Variants in TANC2 observed in about 807,000 individuals in gnomAD.
TANC2 encodes the protein protein TANC2.
In TANC2, 26 loss-of-function variants were observed where a neutral mutation model predicts 210.5. The observed-to-expected ratio is 0.12, with a 90% CI of 0.09 to 0.17. The LOEUF (loss-of-function observed/expected upper bound fraction) is 0.17. TANC2 is among the 10% of genes least tolerant of loss of function. The pLI is 1.00. For missense variants in TANC2, 2,129 were observed against 2,608.9 expected (o/e 0.82, Z 4.01); for synonymous variants, 931 against 967.1 (o/e 0.96, Z 0.69).
At chr17:63,305,129 G>A (rs2044858577) in intron 9 of TANC2, 1 of 152,532 alleles carries the variant, frequency 6.6e-6, no homozygotes, top group South Asian at 2.1e-4. Context: ...GAGCTTGGTA[G>A]GCTTAAGCAC....
intron 2 of TANC2, among the ~76,000 whole-genome samples, chr17:63,025,028 A>T (rs1568326594): frequency 6.6e-6 from 1 of 151,976 alleles, no homozygotes; most frequent in Non-Finnish European, 1.5e-5. Flanking sequence ...TTGCTCTTTG[A>T]TTTTTTTCTT....
At chr17:63,193,771 T>G (rs577712883) in intron 5 of TANC2, among the ~76,000 whole-genome samples, 1 of 152,338 alleles carries the variant, frequency 6.6e-6, no homozygotes, top group Admixed American at 6.5e-5. Context: ...TATAATCATT[T>G]TGAGTTCCCT....
At chr17:63,310,596 C>T (rs531254765) in intron 9 of TANC2, among the ~76,000 whole-genome samples, 4 of 152,192 alleles carry the variant, frequency 2.6e-5, no homozygotes, top group Non-Finnish European at 5.9e-5. Flanking sequence ...GTAAGACAAA[C>T]GCAGGCATTC....
intron 21 of TANC2, among the ~76,000 whole-genome samples, chr17:63,410,860 C>CAAAAAAAAAAAAAA: frequency 2.6e-5 from 1 of 39,014 alleles, no homozygotes; most frequent in South Asian, 2.0e-3. Context: ...GACTCCATCT[C>CAAAAAAAAAAAAAA]AAAAAAAAAA....
chr17:63,396,189 T>A (rs991459426), intron 18 of TANC2: 1 of 406,654 alleles, frequency 2.5e-6, no homozygotes, highest in South Asian at 3.1e-5. Flanking sequence ...CCTCCCTGTT[T>A]AACAGACAGT....
rs186084193 is a variant in TANC2 at position 63,409,850 on chromosome 17, G to A, written c.3590-1661G>A. 1.6e-3 allele frequency among the ~76,000 whole-genome samples: 246 copies of A among 152,354 alleles called. 2 individuals carry two copies. The highest frequency in any genetic ancestry group is 3.4e-3 in the Middle Eastern group (1 of 294). ...GATGCAGGCTGTATATCCCTTATCTGAAATGCTTAGTTATATATCGCTTAT... is the reference window on the plus strand; with the variant it reads ...GATGCAGGCTGTATATCCCTTATCTAAAATGCTTAGTTATATATCGCTTAT... On this transcript the variant is annotated intron_variant, in intron 21 of 27. Coordinates refer to ENST00000689528, the Ensembl canonical transcript of TANC2.
intron 25 of TANC2, among the ~76,000 whole-genome samples, 195 bp from the exon 26 acceptor site, chr17:63,415,333 T>A (rs1226737591): frequency 6.6e-6 from 1 of 152,228 alleles, no homozygotes; most frequent in Non-Finnish European, 1.5e-5. Flanking sequence ...TTGCCTTTCC[T>A]GCCAGGTGAG....
At chr17:63,080,454 C>G (rs892340549) in intron 3 of TANC2, among the ~76,000 whole-genome samples, 1 of 152,128 alleles carries the variant, frequency 6.6e-6, no homozygotes, top group Non-Finnish European at 1.5e-5. Flanking sequence ...AAGATGTGTA[C>G]TGGTGTAATG....
At chr17:63,364,083 C>T (rs1004514495) in intron 14 of TANC2, among the ~76,000 whole-genome samples, 4 of 152,156 alleles carry the variant, frequency 2.6e-5, no homozygotes, top group Admixed American at 6.5e-5. Flanking sequence ...TTTCTAACCC[C>T]CTATTGGCAT....
rs568138278 is a variant in TANC2 at position 63,092,048 on chromosome 17, T to A, written c.140-7127T>A. Reference sequence around the variant, plus strand: ...TGGTGTATAAGAACATATTACCCATTTTTAATTTTTGTGCACACATCAGAA... The same window carrying A: ...TGGTGTATAAGAACATATTACCCATATTTAATTTTTGTGCACACATCAGAA... On this transcript the variant is annotated intron_variant, in intron 3 of 27. Transcript: ENST00000689528. Among the ~76,000 whole-genome samples the A allele has an allele frequency of 8.3e-4, 127 of 152,324 alleles. 1 individual carries two copies. Among genetic ancestry groups the A allele is most frequent in the Non-Finnish European group, 1.6e-3 (106 of 68,024 alleles).
intron 7 of TANC2, among the ~76,000 whole-genome samples, chr17:63,220,913 C>T (rs1222824361): frequency 2.0e-5 from 3 of 150,752 alleles, no homozygotes; most frequent in African/African-American, 7.3e-5. Flanking sequence ...AAAGAAAAAA[C>T]AGTTTGTCTT....
intron 4 of TANC2, among the ~76,000 whole-genome samples, chr17:63,103,251 A>G (rs527370114): frequency 1.3e-5 from 2 of 152,288 alleles, no homozygotes; most frequent in South Asian, 4.1e-4. Context: ...TACTCTTAAC[A>G]TATTTATCTT....
chr17:63,321,637 T>G (rs941403172), intron 11 of TANC2, among the ~76,000 whole-genome samples: 2 of 152,194 alleles, frequency 1.3e-5, no homozygotes, highest in African/African-American at 2.4e-5. Context: ...ATGTCTTGGG[T>G]GCCAGCATTT....
chr17:63,386,502 C>G (rs1567973880), intron 15 of TANC2, among the ~76,000 whole-genome samples: 1 of 152,090 alleles, frequency 6.6e-6, no homozygotes, highest in Non-Finnish European at 1.5e-5. Flanking sequence ...CAAGGTTGGC[C>G]ATGAGTTGAA....
intron 7 of TANC2, among the ~76,000 whole-genome samples, chr17:63,206,719 G>A (rs1190104474): frequency 6.6e-6 from 1 of 152,066 alleles, no homozygotes; most frequent in Non-Finnish European, 1.5e-5. Context: ...GGGAGTTGGT[G>A]GGATGTGGAA....
chr17:63,414,378 C>G (rs921903259), intron 25 of TANC2: 3 of 152,170 alleles, frequency 2.0e-5, no homozygotes, highest in Admixed American at 6.5e-5. Flanking sequence ...GTACAAGTTC[C>G]TAGGAGCAGA....
intron 14 of TANC2, among the ~76,000 whole-genome samples, chr17:63,373,260 G>A (rs2047325616): frequency 1.3e-5 from 2 of 152,006 alleles, no homozygotes; most frequent in South Asian, 2.1e-4. Flanking sequence ...AACATACCAC[G>A]CTTCCTAGAG....
chr17:63,314,584 C>T, exon 10 of TANC2: 1 of 1,613,962 alleles, frequency 6.2e-7, no homozygotes, highest in African/African-American at 1.3e-5. Flanking sequence ...GCAAAACTGC[C>T]ATCATCTCCA....
chr17:63,027,783 CTT>C (rs973110085), intron 2 of TANC2, among the ~76,000 whole-genome samples: 84 of 152,164 alleles, frequency 5.5e-4, no homozygotes, highest in Admixed American at 1.1e-3. Context: ...ATCATAGACT[CTT>C]TGTCCTCAAG....
Sources: allele counts gnomAD v4.1 joint callset (sites outside exome capture counted in the v4.1 genomes callset), GRCh38; gene constraint gnomAD v4.1.1; transcripts MANE v1.5; gene names NCBI Gene and HGNC (gene_info 2026-07-23, HGNC 2026-07-21).